Variants in PARVG observed in about 807,000 individuals in gnomAD.
PARVG encodes parvin gamma, also known as gamma-parvin.
A neutral mutation model predicts 44.4 loss-of-function variants in PARVG; 36 were observed. The ratio of observed to expected loss-of-function variants is 0.81; its 90% CI spans 0.62 to 1.07. The LOEUF is 1.07. Among genes scored for constraint, PARVG ranks in the 50% least tolerant of loss-of-function variants. The pLI is 0.00. For synonymous variants in PARVG, 170 were observed against 174.1 expected, an observed-to-expected ratio of 0.98 and a Z score of 0.19; for missense variants, 407 against 407.4, an observed-to-expected ratio of 1.00 and a Z score of 0.01.
At position 44,185,851 on chromosome 22, in the gene PARVG, C is replaced by T. The variant is rs1488700255; in HGVS notation, c.123C>T (p.Pro41=). 6.2e-7 allele frequency: 1 copy of T among 1,613,632 alleles called. No individual in the cohort carries two copies. Among genetic ancestry groups the T allele is most frequent in the Non-Finnish European group, 8.5e-7 (1 of 1,179,724 alleles). The change falls in exon 4 of 14, where the codon CCC becomes CCT. Residue 41 remains proline, a synonymous_variant. Transcript: ENST00000444313. ...TGCCACCCACTTCCCGGAAGGACCC[C>T]AAATTTGAAGAACTGCAGAAGGTAC... The part of the protein sequence containing the change: ...KYLPPTSRKD[P]KFEELQKVLM...
At chr22:44,192,015 A>T (rs778776301) in intron 7 of PARVG, 34 bp from the exon 8 acceptor site, 1 of 1,611,550 alleles carries the variant, frequency 6.2e-7, no homozygotes, top group South Asian at 1.1e-5. Flanking sequence ...AGTTTTCTGG[A>T]TTATTTAATT....
intron 7 of PARVG, among the ~76,000 whole-genome samples, chr22:44,191,393 T>A (rs1256570166): frequency 7.9e-6 from 1 of 127,318 alleles, no homozygotes; most frequent in Non-Finnish European, 1.6e-5. Context: ...TTTCTATTTT[T>A]TTTTTTTTTT....
At chr22:44,185,954 G>A in intron 4 of PARVG, 82 bp downstream of exon 4, 1 of 1,372,958 alleles carries the variant, frequency 7.3e-7, no homozygotes, top group Non-Finnish European at 1.0e-6. Flanking sequence ...GGGGACAGCA[G>A]GCTGTCCCCA....
intron 4 of PARVG, chr22:44,186,128 T>C (rs898462918): frequency 2.3e-5 from 8 of 349,258 alleles, no homozygotes; most frequent in Non-Finnish European, 3.9e-5. Flanking sequence ...TTGAGGGGAA[T>C]CTATTATCCC....
chr22:44,184,844 T>G (rs903255107), intron 3 of PARVG: 2 of 152,244 alleles, frequency 1.3e-5, no homozygotes, highest in African/African-American at 4.8e-5. Flanking sequence ...TAGTAGGACT[T>G]AGTTACTACC....
At chr22:44,179,757 T>C (rs1178037046), upstream of PARVG, among the ~76,000 whole-genome samples, 3 of 141,982 alleles carry the variant, frequency 2.1e-5, no homozygotes, top group Non-Finnish European at 4.7e-5. This position sits in a 1 kb window ranked among gnomAD's most constrained non-coding sequence, Gnocchi z 4.2. Context: ...CCGAAGTTAA[T>C]TGGGATTCAG....
rs2054390634 is a variant in PARVG at position 44,182,123 on chromosome 22, C to T, written c.-13+206C>T. ...CTCGGCGTCCTCCCTCCCTGTTCTA[C>T]TGAGGAGTTGCCGCCTCTGAACTTC... is the stretch of plus-strand genomic sequence containing the variant. On this transcript the variant is annotated intron_variant, in intron 2 of 13. Coordinates refer to ENST00000444313, the MANE Select transcript of PARVG (RefSeq NM_022141.7). This position sits in a 1 kb window ranked among gnomAD's most constrained non-coding sequence, Gnocchi z 4.6. Among the ~76,000 whole-genome samples the T allele has an allele frequency of 6.6e-6, 1 of 152,234 alleles. No homozygotes were observed. Among genetic ancestry groups the T allele is most frequent in the Non-Finnish European group, 1.5e-5 (1 of 68,036 alleles).
intron 9 of PARVG, 34 bp from the exon 10 acceptor site, chr22:44,196,121 C>T (rs369377329): frequency 9.7e-5 from 157 of 1,611,960 alleles, no homozygotes; most frequent in Non-Finnish European, 1.2e-4. Flanking sequence ...ATAATAGCAT[C>T]GTAATGAGGT....
intron 12 of PARVG, among the ~76,000 whole-genome samples, chr22:44,199,432 C>A (rs549798590): frequency 6.6e-6 from 1 of 152,306 alleles, no homozygotes; most frequent in South Asian, 2.1e-4. Flanking sequence ...CCCACCTGCT[C>A]ATCCACCCAT....
At position 44,186,212 on chromosome 22, in the gene PARVG, G is replaced by A. The variant is rs149398896; in HGVS notation, c.144+340G>A. On this transcript the variant is annotated intron_variant, in intron 4 of 13. Transcript: ENST00000444313. The stretch of plus-strand genomic sequence containing the variant: ...ATCTGTCAGGGGCACGCAGCTGCCC[G>A]TAACGGAGCTGTGGTTTGACACGAG... 857 of 307,940 alleles carry A rather than the reference G, an allele frequency of 2.8e-3. 4 individuals carry two copies. The highest frequency in any genetic ancestry group is 0.016 in the African/African-American group (734 of 46,444). The allele number at this position is 307,940 out of a possible 1,614,324, so 19.1% of individuals were successfully genotyped here.
chr22:44,193,702 C>T, intron 8 of PARVG, 99 bp from the exon 9 acceptor site: 1 of 1,481,714 alleles, frequency 6.7e-7, no homozygotes, highest in Non-Finnish European at 9.2e-7. Flanking sequence ...AGTTTCTTTG[C>T]AACCTTGCCA....
chr22:44,188,994 T>G, intron 5 of PARVG, 120 bp from the exon 6 acceptor site: 1 of 1,354,500 alleles, frequency 7.4e-7, no homozygotes, highest in Non-Finnish European at 1.0e-6. Context: ...ACACCAAGAA[T>G]GGGCTCTCCA....
At chr22:44,202,978 G>A (rs1243968441) in intron 12 of PARVG, among the ~76,000 whole-genome samples, 1 of 152,144 alleles carries the variant, frequency 6.6e-6, no homozygotes, top group East Asian at 1.9e-4. Flanking sequence ...TCTCAGCTCC[G>A]TGGAAGGTGG....
chr22:44,182,774 C>A lies in PARVG; in HGVS notation c.-12-544C>A, dbSNP rs561944835. ...GCCCCTGTCCCGGGCATGTGGTGAG[C>A]CCAGCCTTCTGCCTGTAATGAGGAG... is the stretch of plus-strand genomic sequence containing the variant. On this transcript the variant is annotated intron_variant, in intron 2 of 13. Coordinates refer to ENST00000444313, the MANE Select transcript of PARVG (RefSeq NM_022141.7). The surrounding 1 kb of genome is among the most constrained non-coding windows in gnomAD (Gnocchi z 4.6). Among the ~76,000 whole-genome samples the A allele has an allele frequency of 2.0e-5, 3 of 152,286 alleles. No homozygotes were observed. Among genetic ancestry groups the A allele is most frequent in the African/African-American group, 7.2e-5 (3 of 41,578 alleles).
At chr22:44,196,619 G>T (rs112899730) in intron 11 of PARVG, among the ~76,000 whole-genome samples, 5 of 151,586 alleles carry the variant, frequency 3.3e-5, no homozygotes, top group African/African-American at 1.2e-4. Context: ...GGGTGGAGGT[G>T]TGGGAACACT....
Position 44,193,756 on chromosome 22 carries a change from G to GT in PARVG, c.561-35dup, listed in dbSNP as rs3842781. On this transcript the variant is annotated intron_variant, in intron 8 of 13. Coordinates refer to ENST00000444313, the MANE Select transcript of PARVG (RefSeq NM_022141.7). ...TTGAGAAATTGTAGGTTTGCGGGGT[G>GT]TTTTTTTTTTAACCATTTGTTTGCT... 2.9e-3 allele frequency: 3,859 copies of GT among 1,353,190 alleles called. 1 individual carries two copies. The highest frequency in any genetic ancestry group is 4.2e-3 in the Admixed American group (211 of 50,670). 83.8% of individuals were successfully genotyped at this position (1,353,190 alleles called of 1,614,324 possible).
At chr22:44,177,921 A>G (rs2054334266), upstream of PARVG, among the ~76,000 whole-genome samples, 2 of 152,304 alleles carry the variant, frequency 1.3e-5, no homozygotes, top group South Asian at 2.1e-4. Flanking sequence ...ACACTAAAAA[A>G]TGTAACTCTT....
intron 4 of PARVG, chr22:44,187,025 A>C (rs2054482004): frequency 1.7e-5 from 4 of 241,538 alleles, no homozygotes; most frequent in Non-Finnish European, 3.4e-5. Flanking sequence ...GCAGAGCTGC[A>C]GGTGGGAGCT....
At position 44,187,978 on chromosome 22, in the gene PARVG, T is replaced by C. The variant is rs1396360020; in HGVS notation, c.247+100T>C. ...AGGCTCTCTCCTTCAGTCCCCACAA[T>C]GGTCCCGGGTTTAGGGACACCTGTC... On this transcript the variant is annotated intron_variant, in intron 5 of 13. Transcript: ENST00000444313. 4 of 1,211,230 alleles carry C rather than the reference T, an allele frequency of 3.3e-6. No homozygotes were observed. In the African/African-American group the frequency reaches 4.5e-5, roughly 14 times the overall value. 75.0% of individuals were successfully genotyped at this position (1,211,230 alleles called of 1,614,324 possible).
Sources: allele counts gnomAD v4.1 joint callset (sites outside exome capture counted in the v4.1 genomes callset), GRCh38; gene constraint gnomAD v4.1.1; non-coding constraint Gnocchi (gnomAD v3.1); transcripts MANE v1.5; gene names NCBI Gene and HGNC (gene_info 2026-07-23, HGNC 2026-07-21).